EFTUD2: variants seen among roughly 807,000 people sequenced by gnomAD.
The protein encoded by EFTUD2 is elongation factor Tu GTP binding domain containing 2.
A neutral mutation model predicts 114.3 loss-of-function variants in EFTUD2; 9 were observed. The ratio of observed to expected loss-of-function variants is 0.08; its 90% CI spans 0.05 to 0.14. The LOEUF (loss-of-function observed/expected upper bound fraction) is 0.14. EFTUD2 is among the 10% of genes least tolerant of loss of function. EFTUD2 has a pLI of 1.00. For missense variants in EFTUD2, 765 were observed against 1,241.2 expected, an observed-to-expected ratio of 0.62 and a Z score of 5.76; for synonymous variants, 449 against 462.3, an observed-to-expected ratio of 0.97 and a Z score of 0.37.
rs2050621802 is a variant in EFTUD2, at chr17:44,859,735, CACGT to C, written c.1860+166_1860+169del. The C allele has an allele frequency of 1.3e-5, 14 of 1,052,262 alleles. No individual in the cohort carries two copies. In the East Asian group the frequency reaches 3.4e-4, roughly 25 times the overall value. The allele number at this position is 1,052,262 out of a possible 1,614,324, so 65.2% of individuals were successfully genotyped here. On this transcript the variant is annotated intron_variant, in intron 18 of 27. Transcript: ENST00000426333. ...TTTAACACACACACATACACACACA[CACGT>C]GTCTTGTCCTGCCTTGACATGACAG... is the stretch of plus-strand genomic sequence containing the variant.
Position 44,854,440 on chromosome 17 carries a change from G to A in EFTUD2, c.2260-84C>T. The A allele has an allele frequency of 6.3e-7, 1 of 1,579,308 alleles. No individual in the cohort carries two copies. The highest frequency in any genetic ancestry group is 8.6e-7 in the Non-Finnish European group (1 of 1,157,928). On this transcript the variant is annotated intron_variant, in intron 22 of 27. Coordinates refer to ENST00000426333, the MANE Select transcript of EFTUD2 (RefSeq NM_004247.4). The surrounding 1 kb of genome is among the most constrained non-coding windows in gnomAD (Gnocchi z 4.3). ...AGGGAGAAGACAGATGTGCCTGTAA[G>A]GGGATACTGTCCTTCACCAGAGGAC...
intron 5 of EFTUD2, 62 bp from the exon 6 acceptor site, chr17:44,883,220 C>G: frequency 6.7e-7 from 1 of 1,501,718 alleles, no homozygotes; most frequent in African/African-American, 1.4e-5. Context: ...GTGCCCTTCC[C>G]CCAGCTCCCA....
chr17:44,853,247 T>G (rs780245241), intron 25 of EFTUD2, 49 bp downstream of exon 25: 49 of 1,590,314 alleles, frequency 3.1e-5, no homozygotes, highest in Non-Finnish European at 4.0e-5. Context: ...GTGACTCTTG[T>G]TCTGCTCTTG....
chr17:44,851,243 A>G lies in EFTUD2; in HGVS notation c.*31T>C. On this transcript the variant is annotated 3_prime_UTR_variant, in exon 28 of 28. Transcript: ENST00000426333. ...AAGTACAGGAGTTGCAGCCCACTGT[A>G]GGGAGCAGGAGCTCCCAGGAGTCCA... The G allele has an allele frequency of 6.5e-7, 1 of 1,547,596 alleles. No individual in the cohort carries two copies. Among genetic ancestry groups the G allele is most frequent in the South Asian group, 1.1e-5 (1 of 89,670 alleles).
intron 11 of EFTUD2, among the ~76,000 whole-genome samples, chr17:44,869,291 G>A (rs1194368213): frequency 6.6e-6 from 1 of 152,230 alleles, no homozygotes; most frequent in Non-Finnish European, 1.5e-5. Context: ...TTACCATGCA[G>A]TATAATCACT....
intron 3 of EFTUD2, among the ~76,000 whole-genome samples, chr17:44,886,213 G>A (rs947642019): frequency 4.6e-5 from 7 of 152,096 alleles, no homozygotes; most frequent in African/African-American, 1.4e-4. Flanking sequence ...CAGCATGGGC[G>A]ACAGAGCAAG....
chr17:44,859,478 C>A lies in EFTUD2; in HGVS notation c.1861-297G>T, dbSNP rs9895673. On this transcript the variant is annotated intron_variant, in intron 18 of 27. Coordinates refer to ENST00000426333, the MANE Select transcript of EFTUD2 (RefSeq NM_004247.4). Reference sequence around the variant, plus strand: ...CATGGACATAAGCTAGCCCTTTAGCCCTCCTGGCCTGCTACCTGGAAAGGT... The same window carrying A: ...CATGGACATAAGCTAGCCCTTTAGCACTCCTGGCCTGCTACCTGGAAAGGT... 1,361 of 515,354 alleles carry A rather than the reference C, an allele frequency of 2.6e-3. 15 individuals are homozygous for A. Among genetic ancestry groups the A allele is most frequent in the African/African-American group, 0.023 (1,211 of 52,508 alleles). 31.9% of individuals were successfully genotyped at this position (515,354 alleles called of 1,614,324 possible). A position where few individuals can be genotyped will look rare whatever the true frequency, so the allele number is the denominator to read the frequency against.
intron 11 of EFTUD2, among the ~76,000 whole-genome samples, chr17:44,868,755 G>A (rs956144649): frequency 2.0e-5 from 3 of 152,148 alleles, no homozygotes; most frequent in Admixed American, 6.6e-5. Context: ...AGACAAGCTC[G>A]ACTCTGCTGC....
At chr17:44,879,690 T>C (rs747665765) in intron 8 of EFTUD2, 52 bp from the exon 9 acceptor site, 3 of 1,581,550 alleles carry the variant, frequency 1.9e-6, no homozygotes, top group South Asian at 2.2e-5. Context: ...TAAAGCACAA[T>C]TAACTGGTAG....
chr17:44,894,436 T>G lies in EFTUD2; in HGVS notation c.86A>C (p.Glu29Ala), dbSNP rs1260195796. Residue 29 changes from glutamate (E) to alanine (A), a missense_variant, in exon 2 of 28, where the codon GAG (glutamate) becomes GCG (alanine). Around this residue, in one of 6 missense-constraint regions of EFTUD2, gnomAD observed 121 missense variants for 133.7 expected, o/e 0.90. Coordinates refer to ENST00000426333, the MANE Select transcript of EFTUD2 (RefSeq NM_004247.4). ...TTTTACCTCATCAAGATCTTTGGTC[T>G]CTCTACCCAATTCATCATCATCTTC... Reference protein sequence around the residue: ...SDEDDDELGRETKDLDEMDDD... With the variant: ...SDEDDDELGRATKDLDEMDDD... 2.5e-6 allele frequency: 4 copies of G among 1,613,402 alleles called. No individual in the cohort carries two copies. In the Admixed American group the frequency reaches 6.7e-5, roughly 27 times the overall value.
Position 44,887,239 on chromosome 17 carries a change from T to C in EFTUD2, c.106-489A>G, listed in dbSNP as rs139085276. Reference sequence around the variant, plus strand: ...ACTGCTGATGGGAAAAAGGTGCAGCTGCTTTGGAAAATATTTTGGTAGTTC... The same window carrying C: ...ACTGCTGATGGGAAAAAGGTGCAGCCGCTTTGGAAAATATTTTGGTAGTTC... On this transcript the variant is annotated intron_variant, in intron 2 of 27. Coordinates refer to ENST00000426333, the MANE Select transcript of EFTUD2 (RefSeq NM_004247.4). 5.2e-3 allele frequency among the ~76,000 whole-genome samples: 790 copies of C among 152,330 alleles called. 4 individuals are homozygous for C. The highest frequency in any genetic ancestry group is 7.2e-3 in the Non-Finnish European group (488 of 68,026).
chr17:44,859,825 T>C, intron 18 of EFTUD2, 80 bp downstream of exon 18: 3 of 1,599,610 alleles, frequency 1.9e-6, no homozygotes, highest in African/African-American at 1.3e-5. Flanking sequence ...GAACACCTGA[T>C]GGATGGGAAG....
chr17:44,865,292 T>C (rs2050725304), intron 13 of EFTUD2: 2 of 517,516 alleles, frequency 3.9e-6, no homozygotes, highest in African/African-American at 2.0e-5. Flanking sequence ...TCCCAGCCAA[T>C]AAACCAAGCA....
Position 44,849,964 on chromosome 17 carries a change from C to CT in EFTUD2, c.*1309dup. ...GAACAGATGTTGAATTTCTCTTCCT[C>CT]TTGAGATTAAAAAGCAGACAGCCAC... On this transcript the variant is annotated 3_prime_UTR_variant, in exon 28 of 28. Coordinates refer to ENST00000426333, the MANE Select transcript of EFTUD2 (RefSeq NM_004247.4). 4.6e-6 allele frequency: 1 copy of CT among 216,788 alleles called. No individual in the cohort carries two copies. The highest frequency in any genetic ancestry group is 5.0e-5 in the Admixed American group (1 of 19,820). The allele number at this position is 216,788 out of a possible 1,614,324, so 13.4% of individuals were successfully genotyped here.
At chr17:44,875,866 C>T in intron 10 of EFTUD2, 68 bp downstream of exon 10, 1 of 1,560,326 alleles carries the variant, frequency 6.4e-7, no homozygotes, top group Non-Finnish European at 8.7e-7. Context: ...ACAGTTGTTC[C>T]CAGAGGTATT....
chr17:44,860,308 T>C, intron 17 of EFTUD2, 124 bp downstream of exon 17: 5 of 794,416 alleles, frequency 6.3e-6, no homozygotes, highest in Non-Finnish European at 1.1e-5. Context: ...CAGGGTCATA[T>C]CTAGAAGGCT....
intron 9 of EFTUD2, among the ~76,000 whole-genome samples, chr17:44,877,658 T>C (rs1361156492): frequency 1.3e-5 from 2 of 150,748 alleles, no homozygotes; most frequent in Non-Finnish European, 1.5e-5. Context: ...ATTCAAAAAT[T>C]AGCCAGGTGT....
At chr17:44,874,251 C>T (rs887625582) in intron 10 of EFTUD2, among the ~76,000 whole-genome samples, 1 of 152,078 alleles carries the variant, frequency 6.6e-6, no homozygotes, top group Admixed American at 6.6e-5. Flanking sequence ...AGCTATGTTG[C>T]CCAGGCTGGC....
chr17:44,866,018 C>T (rs1039896654), intron 13 of EFTUD2, among the ~76,000 whole-genome samples: 1 of 152,134 alleles, frequency 6.6e-6, no homozygotes, highest in African/African-American at 2.4e-5. Flanking sequence ...CCATGTTGTC[C>T]AAGCTGGTCT....
Sources: allele counts gnomAD v4.1 joint callset (sites outside exome capture counted in the v4.1 genomes callset), GRCh38; gene constraint gnomAD v4.1.1; regional missense constraint gnomAD v4.1.1; non-coding constraint Gnocchi (gnomAD v3.1); transcripts MANE v1.5; gene names NCBI Gene and HGNC (gene_info 2026-07-23, HGNC 2026-07-21).